Variants in SDK1 observed in about 807,000 individuals in gnomAD.
SDK1 encodes the protein sidekick cell adhesion molecule 1, also known as protein sidekick-1.
In SDK1, 157 loss-of-function variants were observed where a neutral mutation model predicts 245.5. The ratio of observed to expected loss-of-function variants is 0.64; its 90% CI spans 0.56 to 0.73. The LOEUF is 0.73. Among genes scored for constraint, SDK1 ranks in the 30% least tolerant of loss-of-function variants. The pLI is 0.00. For missense variants in SDK1, 3,583 were observed against 3,002.3 expected, an observed-to-expected ratio of 1.19 and a Z score of -4.52; for synonymous variants, 1,647 against 1,278.5, an observed-to-expected ratio of 1.29 and a Z score of -6.15.
intron 4 of SDK1, among the ~76,000 whole-genome samples, chr7:3,809,413 C>A (rs993832119): frequency 1.3e-5 from 2 of 152,170 alleles, no homozygotes; most frequent in Admixed American, 6.5e-5. Context: ...CAGATCCAGA[C>A]CGTATCCCTG....
chr7:3,357,228 G>C (rs1218223435), intron 1 of SDK1, among the ~76,000 whole-genome samples: 1 of 150,546 alleles, frequency 6.6e-6, no homozygotes, highest in Non-Finnish European at 1.5e-5. Context: ...AGAGACTCTG[G>C]ATGCTTCTGT....
intron 25 of SDK1, among the ~76,000 whole-genome samples, chr7:4,125,682 G>A (rs1229477052): frequency 6.6e-6 from 1 of 152,200 alleles, no homozygotes; most frequent in Non-Finnish European, 1.5e-5. Flanking sequence ...ACCTCTGTGT[G>A]CCAGTGCCCT....
chr7:3,817,912 T>A (rs993102230), intron 4 of SDK1, among the ~76,000 whole-genome samples: 6 of 152,222 alleles, frequency 3.9e-5, no homozygotes, highest in Non-Finnish European at 8.8e-5. Flanking sequence ...GCACAGATAC[T>A]TTGCTCATCA....
chr7:4,187,668 T>C (rs771086203), intron 35 of SDK1, among the ~76,000 whole-genome samples: 1 of 152,190 alleles, frequency 6.6e-6, no homozygotes, highest in Admixed American at 6.5e-5. Flanking sequence ...CACAAAATGT[T>C]AGAAGAGTTT....
chr7:4,186,502 C>T (rs1373574949), intron 35 of SDK1, among the ~76,000 whole-genome samples: 1 of 152,208 alleles, frequency 6.6e-6, no homozygotes, highest in East Asian at 1.9e-4. Context: ...CCTGTGGCCT[C>T]GTGGTTCCCT....
chr7:3,781,908 A>G (rs181240508), intron 4 of SDK1, among the ~76,000 whole-genome samples: 7 of 152,322 alleles, frequency 4.6e-5, no homozygotes, highest in South Asian at 2.1e-4. Flanking sequence ...AAGAAAGCCT[A>G]TGAGAGTTAT....
chr7:3,977,950 A>G (rs190271083), intron 13 of SDK1, among the ~76,000 whole-genome samples: 4 of 152,196 alleles, frequency 2.6e-5, no homozygotes, highest in African/African-American at 9.6e-5. Flanking sequence ...CTTGATGCTC[A>G]CATGCCCTGG....
intron 4 of SDK1, among the ~76,000 whole-genome samples, chr7:3,657,091 G>T (rs1486676073): frequency 4.6e-5 from 7 of 152,124 alleles, no homozygotes; most frequent in African/African-American, 1.7e-4. Context: ...CCCCCACAAA[G>T]GAGGAGGGGG....
chr7:3,591,881 G>A (rs1780886164), intron 1 of SDK1, among the ~76,000 whole-genome samples: 1 of 150,756 alleles, frequency 6.6e-6, no homozygotes, highest in Non-Finnish European at 1.5e-5. Context: ...ATCAGATACA[G>A]GGAACCTGGG....
chr7:3,432,642 A>C (rs1779890148), intron 1 of SDK1, among the ~76,000 whole-genome samples: 1 of 152,134 alleles, frequency 6.6e-6, no homozygotes, highest in Non-Finnish European at 1.5e-5. Flanking sequence ...GTAATACTTG[A>C]ATTTTAATAG....
chr7:3,796,609 TCGTGACC>T (rs1355815854), intron 4 of SDK1, among the ~76,000 whole-genome samples: 1 of 152,196 alleles, frequency 6.6e-6, no homozygotes, highest in African/African-American at 2.4e-5. Context: ...ACCATCTCCC[TCGTGACC>T]ACCTTGGCTC....
intron 2 of SDK1, among the ~76,000 whole-genome samples, chr7:3,633,966 A>T (rs758321606): frequency 6.6e-6 from 1 of 152,014 alleles, no homozygotes; most frequent in Non-Finnish European, 1.5e-5. Context: ...ACTCCCCTGG[A>T]CTAGGGCTCC....
intron 8 of SDK1, among the ~76,000 whole-genome samples, 183 bp from the exon 9 acceptor site, chr7:3,962,474 C>T (rs1781775134): frequency 6.6e-6 from 1 of 152,226 alleles, no homozygotes; most frequent in African/African-American, 2.4e-5. Flanking sequence ...CCTCTCAACA[C>T]CCCTCCGTGT....
At chr7:3,474,889 C>T (rs1781305428) in intron 1 of SDK1, among the ~76,000 whole-genome samples, 1 of 152,020 alleles carries the variant, frequency 6.6e-6, no homozygotes, top group Non-Finnish European at 1.5e-5. Flanking sequence ...ACAGGGTCTC[C>T]TTATGTTGTC....
At chr7:4,248,639 C>T (rs984056206) in intron 44 of SDK1, among the ~76,000 whole-genome samples, 1 of 151,840 alleles carries the variant, frequency 6.6e-6, no homozygotes. Flanking sequence ...CACACATGTA[C>T]ACATACCTGT....
At chr7:4,209,995 TA>T in intron 37 of SDK1, 29 bp from the exon 38 acceptor site, 1 of 1,532,938 alleles carries the variant, frequency 6.5e-7, no homozygotes, top group Non-Finnish European at 8.8e-7. Context: ...GGAGCCCCTG[TA>T]AAAGTCACTT....
chr7:4,249,764 A>G (rs1415394972), intron 44 of SDK1, among the ~76,000 whole-genome samples: 4 of 152,308 alleles, frequency 2.6e-5, no homozygotes, highest in Admixed American at 1.3e-4. Flanking sequence ...AAGGCACTCC[A>G]TATTCATGGG....
intron 1 of SDK1, among the ~76,000 whole-genome samples, chr7:3,457,717 T>C (rs201626075): frequency 6.6e-6 from 1 of 152,196 alleles, no homozygotes; most frequent in East Asian, 1.9e-4. Flanking sequence ...TACACATCAG[T>C]ATGAGCTGAT....
chr7:3,651,110 T>C (rs1301178145), intron 4 of SDK1, among the ~76,000 whole-genome samples: 2 of 148,806 alleles, frequency 1.3e-5, no homozygotes, highest in Non-Finnish European at 3.0e-5. Flanking sequence ...GGCTGTATGG[T>C]ATTTGCATGT....
Sources: gnomAD v4.1 joint callset for allele counts (sites outside exome capture counted in the v4.1 genomes callset) on GRCh38, gnomAD v4.1.1 for gene constraint, MANE v1.5 for transcripts, NCBI Gene and HGNC (gene_info 2026-07-23, HGNC 2026-07-21) for gene names.